SCN11A: variants seen among roughly 807,000 people sequenced by gnomAD.
The protein encoded by SCN11A is sodium channel protein type 11 subunit alpha.
Under a neutral mutation model 162.2 loss-of-function variants are expected in SCN11A, and 122 were observed. That is an observed-to-expected ratio of 0.75 (90% CI 0.65 to 0.87). The LOEUF is 0.87. SCN11A is among the 40% of genes least tolerant of loss of function. SCN11A has a pLI of 0.00. For missense variants in SCN11A, 2,015 were observed against 2,181.6 expected (o/e 0.92, Z 1.52); for synonymous variants, 758 against 751.5 (o/e 1.01, Z -0.14).
intron 19 of SCN11A, among the ~76,000 whole-genome samples, chr3:38,889,277 T>C (rs1285053768): frequency 6.6e-6 from 1 of 150,814 alleles, no homozygotes; most frequent in Non-Finnish European, 1.5e-5. Flanking sequence ...AATACCAAAT[T>C]AGCCAGGCAT....
intron 2 of SCN11A, among the ~76,000 whole-genome samples, chr3:39,006,786 A>T (rs935747341): frequency 2.6e-5 from 4 of 152,122 alleles, no homozygotes; most frequent in African/African-American, 9.7e-5. Flanking sequence ...TGGGTGACAG[A>T]GTGAGACCCT....
chr3:39,000,644 G>C (rs574841857), intron 2 of SCN11A, among the ~76,000 whole-genome samples: 3 of 152,196 alleles, frequency 2.0e-5, no homozygotes, highest in African/African-American at 7.2e-5. Context: ...CAAGATTTTG[G>C]GGTGCAACTG....
At chr3:38,979,927 C>T (rs1474875873) in intron 2 of SCN11A, among the ~76,000 whole-genome samples, 1 of 152,196 alleles carries the variant, frequency 6.6e-6, no homozygotes, top group Non-Finnish European at 1.5e-5. Context: ...GTGCAGACCC[C>T]ACCCTGCCCA....
chr3:38,950,908 T>C (rs1212325266), intron 4 of SCN11A, among the ~76,000 whole-genome samples: 3 of 152,232 alleles, frequency 2.0e-5, no homozygotes, highest in Non-Finnish European at 4.4e-5. Flanking sequence ...GCCATAAACA[T>C]AGGCATGAAC....
intron 9 of SCN11A, among the ~76,000 whole-genome samples, chr3:38,923,773 G>T (rs945885082): frequency 1.3e-5 from 2 of 152,222 alleles, no homozygotes; most frequent in African/African-American, 2.4e-5. Flanking sequence ...TGTGGGGGTT[G>T]GGAGGACGCC....
intron 1 of SCN11A, among the ~76,000 whole-genome samples, chr3:39,033,896 G>A (rs145389967): frequency 0.014 from 2,186 of 152,262 alleles, 20 homozygotes; most frequent in Non-Finnish European, 0.018. Flanking sequence ...TGGGCATGGT[G>A]GCTCACACTT....
chr3:38,848,238 T>C (rs553902932), intron 29 of SCN11A, among the ~76,000 whole-genome samples: 3 of 152,380 alleles, frequency 2.0e-5, no homozygotes, highest in Non-Finnish European at 4.4e-5. Context: ...CAGCTGAATA[T>C]TTGACCTAAA....
intron 7 of SCN11A, among the ~76,000 whole-genome samples, chr3:38,939,163 A>G (rs2066401974): frequency 6.6e-6 from 1 of 152,092 alleles, no homozygotes; most frequent in Admixed American, 6.5e-5. Context: ...AGAAAGCGAG[A>G]TTCTGTCTCA....
At chr3:38,978,917 T>C (rs7638329) in intron 2 of SCN11A, among the ~76,000 whole-genome samples, 70,350 of 151,906 alleles carry the variant, frequency 0.46, 19,233 homozygotes, top group African/African-American at 0.78. Context: ...ACCTAAAACC[T>C]TCTTCCCCAT....
chr3:39,005,177 T>C (rs911904248), intron 2 of SCN11A, among the ~76,000 whole-genome samples: 7 of 152,188 alleles, frequency 4.6e-5, no homozygotes, highest in Non-Finnish European at 7.4e-5. Context: ...AAGTTATGAG[T>C]TGATTTTTAA....
At chr3:39,040,053 C>T (rs923888903) in intron 1 of SCN11A, among the ~76,000 whole-genome samples, 1 of 152,192 alleles carries the variant, frequency 6.6e-6, no homozygotes, top group East Asian at 1.9e-4. Flanking sequence ...CCACCTGGTG[C>T]CCACCACAGC....
At chr3:38,867,568 T>A in intron 26 of SCN11A, 110 bp from the exon 27 acceptor site, 1 of 763,244 alleles carries the variant, frequency 1.3e-6, no homozygotes, top group Non-Finnish European at 2.1e-6. Context: ...CAACATTGAC[T>A]ACATAGCCTC....
intron 2 of SCN11A, among the ~76,000 whole-genome samples, chr3:39,012,448 TTC>T (rs1178248744): frequency 6.7e-6 from 1 of 148,578 alleles, no homozygotes; most frequent in South Asian, 2.1e-4. Context: ...CTCTCTCTCT[TTC>T]TCTCTTTCTT....
In SCN11A at chr3:38,874,896, A is replaced by G. The variant is rs543027817; in HGVS notation, c.3394-2602T>C. 6.6e-5 allele frequency among the ~76,000 whole-genome samples: 10 copies of G among 152,316 alleles called. No individual in the cohort carries two copies. The South Asian group carries it at 1.7e-3, about 25-fold the overall frequency. ...TAAAAGTTTTACTACATTTTGATGT[A>G]GTTGAATTGTGTATCTTTTTGTGGT... On this transcript the variant is annotated intron_variant, in intron 23 of 29. Coordinates refer to ENST00000302328, the MANE Select transcript of SCN11A (RefSeq NM_001349253.2).
chr3:39,037,962 G>C (rs865991020), intron 1 of SCN11A, among the ~76,000 whole-genome samples: 6 of 152,186 alleles, frequency 3.9e-5, no homozygotes, highest in Middle Eastern at 3.2e-3. Context: ...ATGCTAAAAA[G>C]ATTGTTAAAG....
chr3:38,986,639 T>TG (rs1442490421), intron 2 of SCN11A, among the ~76,000 whole-genome samples: 1 of 151,784 alleles, frequency 6.6e-6, no homozygotes, highest in Non-Finnish European at 1.5e-5. Context: ...TGTGTGTGTG[T>TG]TGTTGTTGTT....
At chr3:38,898,595 T>C (rs1361466256) in intron 17 of SCN11A, among the ~76,000 whole-genome samples, 1 of 152,222 alleles carries the variant, frequency 6.6e-6, no homozygotes. Context: ...ACTTGTATAC[T>C]TTTTCCACAG....
chr3:38,852,931 A>G (rs2064806661), intron 28 of SCN11A, among the ~76,000 whole-genome samples: 2 of 152,234 alleles, frequency 1.3e-5, no homozygotes, highest in Admixed American at 1.3e-4. Context: ...GTATTTGATT[A>G]CCAGAATCAT....
chr3:38,932,907 G>A (rs1324192651), intron 7 of SCN11A, among the ~76,000 whole-genome samples: 1 of 152,244 alleles, frequency 6.6e-6, no homozygotes, highest in East Asian at 1.9e-4. Flanking sequence ...CTGAGAACAG[G>A]CAGACTGCCT....
Sources: allele counts gnomAD v4.1 joint callset (sites outside exome capture counted in the v4.1 genomes callset), GRCh38; gene constraint gnomAD v4.1.1; transcripts MANE v1.5; gene names NCBI Gene and HGNC (gene_info 2026-07-23, HGNC 2026-07-21).